IFIH1: variants seen among roughly 807,000 people sequenced by gnomAD.
The protein encoded by IFIH1 is interferon-induced helicase C domain-containing protein 1.
IFIH1 carries 125 observed loss-of-function variants against 107.4 expected under a neutral mutation model. That is an observed-to-expected ratio of 1.16 (90% confidence interval 1.01 to 1.35). The LOEUF is 1.35. Ranked by LOEUF, IFIH1 falls within the 40% of genes most tolerant of loss-of-function variation. IFIH1 has a pLI of 0.00. For missense variants in IFIH1, 1,333 were observed against 1,213.7 expected (o/e 1.10, Z -1.46); for synonymous variants, 458 against 413.2 (o/e 1.11, Z -1.31).
intron 1 of IFIH1, among the ~76,000 whole-genome samples, chr2:162,314,679 G>A (rs1286837644): frequency 1.3e-5 from 2 of 151,550 alleles, no homozygotes; most frequent in Non-Finnish European, 2.9e-5. Context: ...TAGTAGAGAC[G>A]GAGTTTTACC....
In IFIH1 at chr2:162,278,346, A is replaced by C. The variant is rs746593824; in HGVS notation, c.1642-18T>G. On this transcript the variant is annotated intron_variant, in intron 8 of 15. Coordinates refer to ENST00000649979, the MANE Select transcript of IFIH1 (RefSeq NM_022168.4). ...AATGGATCCTAAAAATAAAGTACACACTTATTCTTATGTATTCTTATTGTT... is the reference window on the plus strand; with the variant it reads ...AATGGATCCTAAAAATAAAGTACACCCTTATTCTTATGTATTCTTATTGTT... 4 of 1,165,416 alleles carry C rather than the reference A, an allele frequency of 3.4e-6. No homozygotes were observed. In the South Asian group the frequency reaches 5.5e-5, roughly 16 times the overall value. The allele number at this position is 1,165,416 out of a possible 1,614,324, so 72.2% of individuals were successfully genotyped here.
At position 162,278,205 on chromosome 2, in the gene IFIH1, CTTT is replaced by C. The variant is rs553669430; in HGVS notation, c.1762_1764del (p.Lys588del). 1 of 1,599,810 alleles carries C rather than the reference CTTT, an allele frequency of 6.3e-7. No individual in the cohort carries two copies. The highest frequency in any genetic ancestry group is 2.2e-5 in the East Asian group (1 of 44,486). ...AGTGTTAGGTCCAAACCTAAATTACCTTTTTTTTCCATTTGAATGGCCCATTGT... is the reference window on the plus strand; with the variant it reads ...AGTGTTAGGTCCAAACCTAAATTACCTTTTTCCATTTGAATGGCCCATTGT... On this transcript the variant is annotated inframe_deletion and splice_region_variant, in exon 9 of 16. Transcript: ENST00000649979.
At chr2:162,274,673 ATAAAT>A (rs1242335456) in intron 11 of IFIH1, among the ~76,000 whole-genome samples, 5 of 152,208 alleles carry the variant, frequency 3.3e-5, no homozygotes, top group African/African-American at 1.2e-4. Flanking sequence ...GTCAATATAA[ATAAAT>A]TAAAATATGA....
intron 12 of IFIH1, 115 bp from the exon 13 acceptor site, chr2:162,272,502 A>G: frequency 3.6e-6 from 3 of 841,618 alleles, no homozygotes. Context: ...GTTGTTCAGC[A>G]TGCCAGTCTT....
rs138611889 is a variant in IFIH1 at position 162,282,515 on chromosome 2, C to T, written c.1157G>A (p.Arg386His). 3.8e-5 allele frequency: 61 copies of T among 1,611,592 alleles called. No individual in the cohort carries two copies. The Middle Eastern group carries it at 6.6e-4, about 17-fold the overall frequency. Residue 386 changes from arginine to histidine, a missense_variant, in exon 6 of 16, where the codon CGT (arginine) becomes CAT (histidine). Transcript: ENST00000649979. ...GGTATCACCACTTAATCCAATAACA[C>T]GATACCATTTCTTCAAAAATGGTTG... is the stretch of plus-strand genomic sequence containing the variant. ...EFQPFLKKWY[R>H]VIGLSGDTQL...
Position 162,306,782 on chromosome 2 carries a change from A to C in IFIH1, c.696T>G (p.Asn232Lys). ...CCATGCCCCAGACCTCCTTCTCCAG[A>C]TTTGGCTGAACTGTGGTTGAAAGAA... ...EQLLSTTVQP[N>K]LEKEVWGMEN... The change falls in exon 3 of 16, where the codon AAT (asparagine) becomes AAG (lysine). Residue 232 changes from asparagine (N) to lysine (K), a missense_variant. Transcript: ENST00000649979. 6.2e-7 allele frequency: 1 copy of C among 1,613,904 alleles called. No individual in the cohort carries two copies. Among genetic ancestry groups the C allele is most frequent in the Non-Finnish European group, 8.5e-7 (1 of 1,179,868 alleles).
At chr2:162,307,953 T>C (rs768526628) in intron 2 of IFIH1, among the ~76,000 whole-genome samples, 1 of 152,198 alleles carries the variant, frequency 6.6e-6, no homozygotes, top group Non-Finnish European at 1.5e-5. Flanking sequence ...GTAATATTAT[T>C]ATCTCCATTT....
At chr2:162,272,526 T>G in intron 12 of IFIH1, 139 bp from the exon 13 acceptor site, 2 of 664,050 alleles carry the variant, frequency 3.0e-6, no homozygotes, top group Non-Finnish European at 5.2e-6. Flanking sequence ...ATGGGTAAAG[T>G]TAGTAAAGTT....
In IFIH1 at chr2:162,267,186, T is replaced by A; in HGVS notation, c.*14A>T. ...TTTAACTGATAGTATTTTAAAAGAATCTTCAATCAAGTGCTAATCCTCATC... is the reference window on the plus strand; with the variant it reads ...TTTAACTGATAGTATTTTAAAAGAAACTTCAATCAAGTGCTAATCCTCATC... On this transcript the variant is annotated 3_prime_UTR_variant, in exon 16 of 16. Transcript: ENST00000649979. 1 of 1,533,510 alleles carries A rather than the reference T, an allele frequency of 6.5e-7. No homozygotes were observed. Among genetic ancestry groups the A allele is most frequent in the Non-Finnish European group, 8.8e-7 (1 of 1,135,672 alleles). The allele number at this position is 1,533,510 out of a possible 1,614,324, so 95.0% of individuals were successfully genotyped here.
intron 3 of IFIH1, 137 bp downstream of exon 3, chr2:162,306,572 T>C (rs1181323713): frequency 1.8e-6 from 1 of 561,168 alleles, no homozygotes; most frequent in Non-Finnish European, 3.0e-6. Context: ...TTTAATCTCC[T>C]CTAAAAATAT....
chr2:162,306,245 T>C (rs1259456059), intron 3 of IFIH1, among the ~76,000 whole-genome samples: 1 of 152,240 alleles, frequency 6.6e-6, no homozygotes, highest in Non-Finnish European at 1.5e-5. Flanking sequence ...CCAACCCTAG[T>C]TCAGCATCTG....
chr2:162,308,624 C>T (rs1398696347), intron 2 of IFIH1, among the ~76,000 whole-genome samples: 1 of 152,126 alleles, frequency 6.6e-6, no homozygotes. Flanking sequence ...GTGATCCACC[C>T]GTCTTGGCCT....
intron 2 of IFIH1, among the ~76,000 whole-genome samples, chr2:162,309,610 C>T (rs991720937): frequency 1.3e-5 from 2 of 152,194 alleles, no homozygotes; most frequent in Non-Finnish European, 2.9e-5. Context: ...TCTACTCCTA[C>T]CTTCTGCTGA....
intron 4 of IFIH1, among the ~76,000 whole-genome samples, chr2:162,292,259 A>T (rs1049038451): frequency 6.6e-6 from 1 of 151,896 alleles, no homozygotes; most frequent in African/African-American, 2.4e-5. Flanking sequence ...TAGAAATGTT[A>T]ATTATTAAAT....
rs567583487 is a variant in IFIH1, at chr2:162,307,725, T to C, written c.623-870A>G. 2.0e-5 allele frequency among the ~76,000 whole-genome samples: 3 copies of C among 152,320 alleles called. No individual in the cohort carries two copies. In the East Asian group the frequency reaches 5.8e-4, roughly 29 times the overall value. Reference sequence around the variant, plus strand: ...AACCCAGTGAAAATGTGCCCCACTTTGTATGGAAAATTTCCTAAAGAAAAC... The same window carrying C: ...AACCCAGTGAAAATGTGCCCCACTTCGTATGGAAAATTTCCTAAAGAAAAC... On this transcript the variant is annotated intron_variant, in intron 2 of 15. Coordinates refer to ENST00000649979, the MANE Select transcript of IFIH1 (RefSeq NM_022168.4).
At chr2:162,276,651 GA>G in intron 11 of IFIH1, 35 bp downstream of exon 11, 2 of 1,567,938 alleles carry the variant, frequency 1.3e-6, no homozygotes, top group Non-Finnish European at 1.7e-6. Flanking sequence ...AAAAGAGAAA[GA>G]AAAGAAAAGA....
intron 1 of IFIH1, among the ~76,000 whole-genome samples, chr2:162,314,420 C>CT (rs1203830231): frequency 0.034 from 1,150 of 34,010 alleles, 16 homozygotes; most frequent in East Asian, 0.066. Context: ...TCTTTCTTTT[C>CT]TTTCTTTCTT....
chr2:162,291,810 G>T (rs1399341801), intron 4 of IFIH1, among the ~76,000 whole-genome samples: 1 of 151,690 alleles, frequency 6.6e-6, no homozygotes, highest in Non-Finnish European at 1.5e-5. Context: ...CTTATACCAG[G>T]CACTTGTGGG....
chr2:162,290,034 C>T (rs1682969096), intron 4 of IFIH1, among the ~76,000 whole-genome samples: 1 of 151,716 alleles, frequency 6.6e-6, no homozygotes, highest in Non-Finnish European at 1.5e-5. Flanking sequence ...CTAACTTTTC[C>T]AAAAGAGCCA....
Sources: allele counts gnomAD v4.1 joint callset (sites outside exome capture counted in the v4.1 genomes callset), GRCh38; gene constraint gnomAD v4.1.1; transcripts MANE v1.5; gene names NCBI Gene and HGNC (gene_info 2026-07-23, HGNC 2026-07-21).